Variants in LITAF observed in about 807,000 individuals in gnomAD.
The protein encoded by LITAF is lipopolysaccharide induced TNF factor.
A neutral mutation model predicts 14.5 loss-of-function variants in LITAF; 9 were observed. The ratio of observed to expected loss-of-function variants is 0.62; its 90% CI spans 0.37 to 1.08. LITAF has a LOEUF of 1.08. Among genes scored for constraint, LITAF ranks in the 50% least tolerant of loss-of-function variants. The pLI is 0.01. For missense variants in LITAF, 206 were observed against 213.4 expected (o/e 0.97, Z 0.22); for synonymous variants, 98 against 88.2 (o/e 1.11, Z -0.62).
At chr16:11,606,993 T>C (rs2064958405) in intron 3 of LITAF, among the ~76,000 whole-genome samples, 1 of 152,136 alleles carries the variant, frequency 6.6e-6, no homozygotes, top group Admixed American at 6.5e-5. Context: ...TCCTGTCCTA[T>C]ATTATGGATG....
intron 3 of LITAF, among the ~76,000 whole-genome samples, chr16:11,615,537 CAATA>C (rs1567264396): frequency 6.6e-6 from 1 of 151,550 alleles, no homozygotes; most frequent in Non-Finnish European, 1.5e-5. Context: ...AACTCCGTCT[CAATA>C]AATAAATAAA....
chr16:11,597,624 T>A (rs187036914), intron 1 of LITAF, among the ~76,000 whole-genome samples: 9 of 152,254 alleles, frequency 5.9e-5, no homozygotes, highest in African/African-American at 2.2e-4. Context: ...TGTGGAGAGC[T>A]TAGAGCTTTC....
rs1167760343 is a variant in LITAF, at chr16:11,548,475, C to T, written c.*1162G>A. ...ATGTGCTTTCCCTTATCTTTCAAAA[C>T]CCACCACCAGGAAACCAAAACGGAC... is the stretch of plus-strand genomic sequence containing the variant. On this transcript the variant is annotated 3_prime_UTR_variant, in exon 4 of 4. Coordinates refer to ENST00000622633, the MANE Select transcript of LITAF (RefSeq NM_001136472.2). The T allele has an allele frequency of 2.2e-6, 1 of 453,920 alleles. No individual in the cohort carries two copies. The highest frequency in any genetic ancestry group is 4.4e-6 in the Non-Finnish European group (1 of 226,790). 28.1% of individuals were successfully genotyped at this position (453,920 alleles called of 1,614,324 possible).
intron 1 of LITAF, among the ~76,000 whole-genome samples, chr16:11,592,587 A>AAT (rs1222940379): frequency 6.6e-6 from 1 of 151,718 alleles, no homozygotes; most frequent in Non-Finnish European, 1.5e-5. Context: ...AAGAAAAAAA[A>AAT]AAAAGGGCAA....
chr16:11,591,305 C>T (rs545672047), upstream of LITAF, among the ~76,000 whole-genome samples: 9 of 115,812 alleles, frequency 7.8e-5, 3 homozygotes, highest in South Asian at 2.4e-3. Context: ...CCACCTCAGC[C>T]TCCAGAGTGG....
chr16:11,638,131 T>G (rs550452118), upstream of LITAF, among the ~76,000 whole-genome samples: 5 of 145,856 alleles, frequency 3.4e-5, no homozygotes, highest in Non-Finnish European at 6.0e-5. Context: ...GATAGATAGA[T>G]AGATAGATAG....
intron 1 of LITAF, among the ~76,000 whole-genome samples, chr16:11,580,103 G>A (rs1015575722): frequency 6.6e-6 from 1 of 152,120 alleles, no homozygotes; most frequent in African/African-American, 2.4e-5. Context: ...TGGATTTTTG[G>A]ATTAGAGATG....
chr16:11,636,273 T>C (rs138739168), exon 1 of LITAF: 43 of 152,240 alleles, frequency 2.8e-4, no homozygotes, highest in African/African-American at 1.0e-3. Context: ...CATGCAAAAC[T>C]AGGATGCGGA....
intron 3 of LITAF, chr16:11,551,578 T>G (rs2064182217): frequency 2.1e-6 from 1 of 480,524 alleles, no homozygotes; most frequent in South Asian, 3.3e-5. Context: ...CCCAGCACTT[T>G]GGGAGGTCAA....
intron 3 of LITAF, among the ~76,000 whole-genome samples, chr16:11,614,198 G>A (rs953747105): frequency 1.3e-5 from 2 of 152,120 alleles, no homozygotes; most frequent in African/African-American, 4.8e-5. Flanking sequence ...CACAGTTCTG[G>A]AGGCTAGAAG....
chr16:11,574,730 C>T (rs1033263602), intron 1 of LITAF, among the ~76,000 whole-genome samples: 5 of 152,046 alleles, frequency 3.3e-5, no homozygotes, highest in African/African-American at 4.8e-5. Context: ...GGTAAGAAGA[C>T]GTTCCCTTTA....
At chr16:11,569,738 G>A (rs1833542632) in intron 1 of LITAF, among the ~76,000 whole-genome samples, 1 of 152,136 alleles carries the variant, frequency 6.6e-6, no homozygotes, top group African/African-American at 2.4e-5. Flanking sequence ...CTAAAAGAAA[G>A]GTAAGACAAT....
intron 1 of LITAF, among the ~76,000 whole-genome samples, chr16:11,576,556 G>GACAC (rs34555711): frequency 1.6e-5 from 1 of 62,246 alleles, no homozygotes; most frequent in Non-Finnish European, 4.0e-5. Flanking sequence ...AAAAAAAAAA[G>GACAC]AGAGAGAGAA....
rs540370072 is a variant in LITAF at position 11,551,747 on chromosome 16, G to A, written c.377+1786C>T. Reference sequence around the variant, plus strand: ...CTCAGGAGGCTGAGCTGGGCGGATTGCAGGAGCCCAGGAGATCAAAGCTGC... The same window carrying A: ...CTCAGGAGGCTGAGCTGGGCGGATTACAGGAGCCCAGGAGATCAAAGCTGC... On this transcript the variant is annotated intron_variant, in intron 3 of 3. Transcript: ENST00000622633. 44 of 684,850 alleles carry A rather than the reference G, an allele frequency of 6.4e-5. 1 individual carries two copies. The African/African-American group carries it at 6.6e-4, about 10-fold the overall frequency. 42.4% of individuals were successfully genotyped at this position (684,850 alleles called of 1,614,324 possible). A position where few individuals can be genotyped will look rare whatever the true frequency, so the allele number is the denominator to read the frequency against.
At position 11,547,900 on chromosome 16, in the gene LITAF, G is replaced by C. The variant is rs1283604897; in HGVS notation, c.*1737C>G. 2.2e-6 allele frequency: 1 copy of C among 454,094 alleles called. No individual in the cohort carries two copies. Among genetic ancestry groups the C allele is most frequent in the East Asian group, 6.9e-5 (1 of 14,402 alleles). 28.1% of individuals were successfully genotyped at this position (454,094 alleles called of 1,614,324 possible). Reference sequence around the variant, plus strand: ...AAGTCTGAAGTTTTTAATCGGGAAGGATTTTCTACCGTTACTGAACAAATA... The same window carrying C: ...AAGTCTGAAGTTTTTAATCGGGAAGCATTTTCTACCGTTACTGAACAAATA... On this transcript the variant is annotated 3_prime_UTR_variant, in exon 4 of 4. Transcript: ENST00000622633.
intron 3 of LITAF, among the ~76,000 whole-genome samples, chr16:11,630,322 G>A (rs977161027): frequency 2.6e-5 from 4 of 152,198 alleles, no homozygotes; most frequent in South Asian, 2.1e-4. Context: ...GGAGGTGCCC[G>A]CAGTCTGGCC....
intron 1 of LITAF, among the ~76,000 whole-genome samples, chr16:11,581,537 C>T (rs1334691885): frequency 6.6e-6 from 1 of 152,050 alleles, no homozygotes; most frequent in African/African-American, 2.4e-5. Context: ...ATGGCTTGAG[C>T]TCGAGAGGGA....
chr16:11,553,843 G>C lies in LITAF; in HGVS notation c.221-154C>G, dbSNP rs764292314. The C allele has an allele frequency of 2.5e-6, 2 of 806,370 alleles. No homozygotes were observed. Among genetic ancestry groups the C allele is most frequent in the Non-Finnish European group, 4.0e-6 (2 of 498,574 alleles). The allele number at this position is 806,370 out of a possible 1,614,324, so 50.0% of individuals were successfully genotyped here. On this transcript the variant is annotated intron_variant, in intron 2 of 3. Coordinates refer to ENST00000622633, the MANE Select transcript of LITAF (RefSeq NM_001136472.2). This position sits in a 1 kb window ranked among gnomAD's most constrained non-coding sequence, Gnocchi z 7.7. ...GCGTTCATCGTCTGGCTATCTATGA[G>C]AGCCAAAAGGGGAAGGAACACCAGT...
At chr16:11,631,857 T>TC (rs1008259358) in intron 3 of LITAF, among the ~76,000 whole-genome samples, 4 of 151,014 alleles carry the variant, frequency 2.6e-5, no homozygotes, top group South Asian at 2.1e-4. Context: ...TCTTTTCTTT[T>TC]TTTTTTTTTT....
Sources: allele counts gnomAD v4.1 joint callset (sites outside exome capture counted in the v4.1 genomes callset), GRCh38; gene constraint gnomAD v4.1.1; non-coding constraint Gnocchi (gnomAD v3.1); transcripts MANE v1.5; gene names NCBI Gene and HGNC (gene_info 2026-07-23, HGNC 2026-07-21).